Variants in FOXK1 observed in about 807,000 individuals in gnomAD.
The protein encoded by FOXK1 is forkhead box protein K1.
Under a neutral mutation model 51.9 loss-of-function variants are expected in FOXK1, and 19 were observed. The observed-to-expected ratio is 0.37, with a 90% CI of 0.26 to 0.54. The LOEUF (loss-of-function observed/expected upper bound fraction) is 0.54. Ranked by LOEUF, FOXK1 falls within the 20% of genes least tolerant of loss-of-function variation. FOXK1 has a pLI of 0.87. For missense variants in FOXK1, 870 were observed against 1,032.7 expected (o/e 0.84, Z 2.16); for synonymous variants, 537 against 482.6 (o/e 1.11, Z -1.48).
intron 1 of FOXK1, among the ~76,000 whole-genome samples, chr7:4,724,068 A>C (rs1475155223): frequency 6.6e-6 from 1 of 152,200 alleles, no homozygotes; most frequent in Admixed American, 6.5e-5. Context: ...GTGAGTGAAC[A>C]TGGTAATGAC....
At chr7:4,754,386 T>G (rs1780815564) in intron 2 of FOXK1, 73 bp from the exon 3 acceptor site, 2 of 1,547,528 alleles carry the variant, frequency 1.3e-6, no homozygotes, top group Admixed American at 3.5e-5. Flanking sequence ...TCTGGGTAGG[T>G]CCTGAAGCCC....
At chr7:4,750,529 G>A (rs1306517552) in intron 2 of FOXK1, among the ~76,000 whole-genome samples, 4 of 149,972 alleles carry the variant, frequency 2.7e-5, no homozygotes, top group African/African-American at 9.8e-5. Context: ...TGCAAGCTCC[G>A]CCTCCCAGGT....
rs1320706056 is a variant in FOXK1 at position 4,756,707 on chromosome 7, G to A, written c.1051-287G>A. 6.6e-6 allele frequency among the ~76,000 whole-genome samples: 1 copy of A among 151,736 alleles called. No individual in the cohort carries two copies. The highest frequency in any genetic ancestry group is 1.5e-5 in the Non-Finnish European group (1 of 67,978). Reference sequence around the variant, plus strand: ...TTGAACCCGGGAGGCGGAACTTGCAGTGAGCCGAGATCGTGCCACTGCACT... The same window carrying A: ...TTGAACCCGGGAGGCGGAACTTGCAATGAGCCGAGATCGTGCCACTGCACT... On this transcript the variant is annotated intron_variant, in intron 4 of 8. Transcript: ENST00000328914. The surrounding 1 kb of genome is among the most constrained non-coding windows in gnomAD (Gnocchi z 4.1).
In FOXK1 at chr7:4,762,364, A is replaced by G; in HGVS notation, c.2102A>G (p.Glu701Gly). 2.6e-6 allele frequency: 4 copies of G among 1,550,324 alleles called. No individual in the cohort carries two copies. Among genetic ancestry groups the G allele is most frequent in the Non-Finnish European group, 3.5e-6 (4 of 1,146,940 alleles). ...SASASSTGEP[E>G]VKRSRVEEPS... ...TCCGCCTCTTCCACTGGAGAGCCCGAGGTCAAAAGGTCCCGGGTGGAGGAG... is the reference window on the plus strand; with the variant it reads ...TCCGCCTCTTCCACTGGAGAGCCCGGGGTCAAAAGGTCCCGGGTGGAGGAG... The change falls in exon 9 of 9, where the codon GAG becomes GGG. Residue 701 changes from glutamate (E) to glycine (G), a missense_variant. Physicochemically the swap from Glu to Gly is moderately conservative, Grantham distance 98. This residue lies in a region of FOXK1 where 457 missense variants were observed against 510.8 expected (regional missense o/e 0.89). Coordinates refer to ENST00000328914, the MANE Select transcript of FOXK1 (RefSeq NM_001037165.2). The surrounding 1 kb of genome is among the most constrained non-coding windows in gnomAD (Gnocchi z 5.7).
chr7:4,725,783 C>T (rs555083053), intron 1 of FOXK1, among the ~76,000 whole-genome samples: 1 of 152,334 alleles, frequency 6.6e-6, no homozygotes, highest in Non-Finnish European at 1.5e-5. Context: ...TTCAGTTCTT[C>T]AGGGCAACAG....
In FOXK1 at chr7:4,713,616, C is replaced by G. The variant is rs367697367; in HGVS notation, c.561-27222C>G. Among the ~76,000 whole-genome samples, 120 of 151,918 alleles carry G rather than the reference C, an allele frequency of 7.9e-4. 1 individual carries two copies. The highest frequency in any genetic ancestry group is 2.7e-3 in the African/African-American group (111 of 41,424). On this transcript the variant is annotated intron_variant, in intron 1 of 8. Coordinates refer to ENST00000328914, the MANE Select transcript of FOXK1 (RefSeq NM_001037165.2). The stretch of plus-strand genomic sequence containing the variant: ...AAGTGATTCTCCTGCCTTAGCCTCC[C>G]GAGTTGCTGGGATTACAAGCACGTG...
At chr7:4,684,344 G>A (rs777179583) in intron 1 of FOXK1, among the ~76,000 whole-genome samples, 81 of 152,276 alleles carry the variant, frequency 5.3e-4, no homozygotes, top group South Asian at 1.5e-3. Flanking sequence ...AGGGCCCAAA[G>A]TTTGTGTCTG....
chr7:4,698,284 G>C (rs1369043737), intron 1 of FOXK1, among the ~76,000 whole-genome samples: 1 of 151,280 alleles, frequency 6.6e-6, no homozygotes, highest in Non-Finnish European at 1.5e-5. Flanking sequence ...TGTTATCTGA[G>C]AGTGCGATTT....
Position 4,722,209 on chromosome 7 carries a change from A to G in FOXK1, c.561-18629A>G, listed in dbSNP as rs1417768724. On this transcript the variant is annotated intron_variant, in intron 1 of 8. Transcript: ENST00000328914. This position sits in a 1 kb window ranked among gnomAD's most constrained non-coding sequence, Gnocchi z 5.1. ...TCAGCAGATGCTGGATTTCACGTCCACGGCCGCCTGGAAATAAATGCCAGC... is the reference window on the plus strand; with the variant it reads ...TCAGCAGATGCTGGATTTCACGTCCGCGGCCGCCTGGAAATAAATGCCAGC... Among the ~76,000 whole-genome samples, 1 of 152,192 alleles carries G rather than the reference A, an allele frequency of 6.6e-6. No individual in the cohort carries two copies. The highest frequency in any genetic ancestry group is 1.5e-5 in the Non-Finnish European group (1 of 68,050).
Position 4,709,375 on chromosome 7 carries a change from G to A in FOXK1, c.560+26507G>A, listed in dbSNP as rs1012113403. Among the ~76,000 whole-genome samples, 2 of 152,182 alleles carry A rather than the reference G, an allele frequency of 1.3e-5. No homozygotes were observed. Among genetic ancestry groups the A allele is most frequent in the African/African-American group, 2.4e-5 (1 of 41,462 alleles). ...TGCTGCGTCCACGAGCCTGGCTTCC[G>A]CTTCCATTCTCAGGGTCTGGACAGG... On this transcript the variant is annotated intron_variant, in intron 1 of 8. Transcript: ENST00000328914. This position sits in a 1 kb window ranked among gnomAD's most constrained non-coding sequence, Gnocchi z 5.6.
chr7:4,741,705 T>G (rs1432799870), intron 2 of FOXK1, among the ~76,000 whole-genome samples: 1 of 152,260 alleles, frequency 6.6e-6, no homozygotes, highest in African/African-American at 2.4e-5. Flanking sequence ...TTGTGAAAAT[T>G]CTCTATGACC....
rs1014716345 is a variant in FOXK1, at chr7:4,765,933, A to C, written c.*3469A>C. The C allele has an allele frequency of 3.3e-5, 5 of 152,174 alleles. No individual in the cohort carries two copies. The highest frequency in any genetic ancestry group is 1.2e-4 in the African/African-American group (5 of 41,414). The allele number at this position is 152,174 out of a possible 1,614,324, so 9.4% of individuals were successfully genotyped here. ...GCTAGGGCAGCAGCTGGCTCAGGGC[A>C]CACTCTCTCGTGCCAGCTTCTGCCA... is the stretch of plus-strand genomic sequence containing the variant. On this transcript the variant is annotated 3_prime_UTR_variant, in exon 9 of 9. Coordinates refer to ENST00000328914, the MANE Select transcript of FOXK1 (RefSeq NM_001037165.2).
rs564235104 is a variant in FOXK1 at position 4,750,998 on chromosome 7, C to G, written c.747-3461C>G. Among the ~76,000 whole-genome samples the G allele has an allele frequency of 1.2e-3, 177 of 150,830 alleles. 1 individual carries two copies. Among genetic ancestry groups the G allele is most frequent in the African/African-American group, 3.9e-3 (160 of 40,788 alleles). ...GGGATTACAGGCGTGAGCCACCGTG[C>G]CTGGCCTTCAGCACTTTTTTTTTTT... On this transcript the variant is annotated intron_variant, in intron 2 of 8. Coordinates refer to ENST00000328914, the MANE Select transcript of FOXK1 (RefSeq NM_001037165.2).
In FOXK1 at chr7:4,761,175, T is replaced by C. The variant is rs943691716; in HGVS notation, c.1808T>C (p.Ile603Thr). 2 of 1,612,660 alleles carry C rather than the reference T, an allele frequency of 1.2e-6. No homozygotes were observed. Among genetic ancestry groups the C allele is most frequent in the Admixed American group, 3.3e-5 (2 of 60,016 alleles). Residue 603 changes from isoleucine (I) to threonine (T), a missense_variant, in exon 8 of 9, where the codon ATC (isoleucine) becomes ACC (threonine). Transcript: ENST00000328914. The surrounding 1 kb of genome is among the most constrained non-coding windows in gnomAD (Gnocchi z 6.2). ...GGGGTCCCCGGACACACGGTCACCA[T>C]CCTGCAGCCCGCCACACCCGTGACC... is the stretch of plus-strand genomic sequence containing the variant. ...APGVPGHTVT[I>T]LQPATPVTLG... is the part of the protein sequence containing the mutation.
At chr7:4,741,162 C>T in intron 2 of FOXK1, 139 bp downstream of exon 2, 1 of 574,168 alleles carries the variant, frequency 1.7e-6, no homozygotes, top group East Asian at 3.5e-5. Context: ...GTTGTACGTC[C>T]ATCCGGGACC....
rs111622709 is a variant in FOXK1 at position 4,745,472 on chromosome 7, T to TTG, written c.746+4465_746+4466dup. On this transcript the variant is annotated intron_variant, in intron 2 of 8. Coordinates refer to ENST00000328914, the MANE Select transcript of FOXK1 (RefSeq NM_001037165.2). The surrounding 1 kb of genome is among the most constrained non-coding windows in gnomAD (Gnocchi z 4.3). ...TGGGTATGGGTGTGGGTGTGTGGTT[T>TTG]TGTGTGTGTGTGTGTGTTTCTGATT... Among the ~76,000 whole-genome samples the TTG allele has an allele frequency of 0.47, 70,854 of 150,424 alleles. 17,520 individuals carry two copies. The highest frequency in any genetic ancestry group is 0.85 in the East Asian group (4,296 of 5,064).
chr7:4,770,193 T>TA lies in FOXK1; in HGVS notation c.*7731dup, dbSNP rs1324579404. 2 of 152,166 alleles carry TA rather than the reference T, an allele frequency of 1.3e-5. No individual in the cohort carries two copies. Among genetic ancestry groups the TA allele is most frequent in the Non-Finnish European group, 1.5e-5 (1 of 68,032 alleles). 9.4% of individuals were successfully genotyped at this position (152,166 alleles called of 1,614,324 possible). A position where few individuals can be genotyped will look rare whatever the true frequency, so the allele number is the denominator to read the frequency against. ...GTCTATAGCCTCTAAATCTCCAGGT[T>TA]AACTGGTCCAGATTTTTTTTTTTTA... is the stretch of plus-strand genomic sequence containing the variant. On this transcript the variant is annotated 3_prime_UTR_variant, in exon 9 of 9. Coordinates refer to ENST00000328914, the MANE Select transcript of FOXK1 (RefSeq NM_001037165.2).
chr7:4,712,623 G>A (rs1780188957), intron 1 of FOXK1, among the ~76,000 whole-genome samples: 1 of 152,134 alleles, frequency 6.6e-6, no homozygotes, highest in South Asian at 2.1e-4. Flanking sequence ...TTGCAGTCTC[G>A]AAAAGACTGG....
intron 1 of FOXK1, among the ~76,000 whole-genome samples, chr7:4,705,937 C>G (rs1037648869): frequency 1.4e-5 from 2 of 143,570 alleles, no homozygotes; most frequent in African/African-American, 2.6e-5. Flanking sequence ...TCATTTCCAA[C>G]TTTCAAAATT....
Sources: allele counts gnomAD v4.1 joint callset (sites outside exome capture counted in the v4.1 genomes callset), GRCh38; gene constraint gnomAD v4.1.1; regional missense constraint gnomAD v4.1.1; non-coding constraint Gnocchi (gnomAD v3.1); transcripts MANE v1.5; gene names NCBI Gene and HGNC (gene_info 2026-07-23, HGNC 2026-07-21).